FBLN1: variants seen among roughly 807,000 people sequenced by gnomAD.
FBLN1 encodes fibulin 1, also known as fibulin-1.
A neutral mutation model predicts 89.7 loss-of-function variants in FBLN1; 34 were observed. The ratio of observed to expected loss-of-function variants is 0.38; its 90% confidence interval spans 0.29 to 0.50. The LOEUF is 0.50. FBLN1 is among the 20% of genes least tolerant of loss of function. FBLN1 has a pLI of 0.92. For synonymous variants in FBLN1, 393 were observed against 391.3 expected, an observed-to-expected ratio of 1.00 and a Z score of -0.05; for missense variants, 777 against 988.1, an observed-to-expected ratio of 0.79 and a Z score of 2.86.
At chr22:45,513,649 G>A (rs116047628) in intron 1 of FBLN1, among the ~76,000 whole-genome samples, 8 of 129,336 alleles carry the variant, frequency 6.2e-5, no homozygotes, top group Non-Finnish European at 1.0e-4. Context: ...CCTCTCCCCC[G>A]AAGCCTGTGG....
At position 45,549,428 on chromosome 22, in the gene FBLN1, G is replaced by A. The variant is rs1210301825; in HGVS notation, c.1573+684G>A. ...GATCCTGGGGCTCTGGAAGCCCCCT[G>A]GGTCCCACAGATGTAGCTTCTGGTC... On this transcript the variant is annotated intron_variant, in intron 13 of 16. Transcript: ENST00000327858. The surrounding 1 kb of genome is among the most constrained non-coding windows in gnomAD (Gnocchi z 5.7). Among the ~76,000 whole-genome samples the A allele has an allele frequency of 6.6e-6, 1 of 152,138 alleles. No homozygotes were observed. The highest frequency in any genetic ancestry group is 1.5e-5 in the Non-Finnish European group (1 of 68,026).
intron 10 of FBLN1, 40 bp downstream of exon 10, chr22:45,542,323 A>G: frequency 6.2e-7 from 1 of 1,612,510 alleles, no homozygotes; most frequent in Non-Finnish European, 8.5e-7. Flanking sequence ...GAACCCAGCC[A>G]CGTGGCACCA....
At chr22:45,542,308 CG>C (rs749337875) in intron 10 of FBLN1, 25 bp downstream of exon 10, 2 of 1,613,162 alleles carry the variant, frequency 1.2e-6, no homozygotes, top group Non-Finnish European at 1.7e-6. Context: ...CCGCAGGCCT[CG>C]GGGGAACCCA....
chr22:45,574,743 A>G lies in FBLN1; in HGVS notation c.1840+90A>G. On this transcript the variant is annotated intron_variant, in intron 15 of 16. Transcript: ENST00000327858. This position sits in a 1 kb window ranked among gnomAD's most constrained non-coding sequence, Gnocchi z 4.1. ...TTGGCCTACAGGAGTTGTTCCTTGT[A>G]AGATGTGGCCCAGGCTTTGAAATGC... 9.2e-7 allele frequency: 1 copy of G among 1,085,786 alleles called. No individual in the cohort carries two copies. The highest frequency in any genetic ancestry group is 1.4e-6 in the Non-Finnish European group (1 of 729,834). 67.3% of individuals were successfully genotyped at this position (1,085,786 alleles called of 1,614,324 possible).
chr22:45,543,834 T>C (rs112824541), intron 11 of FBLN1, among the ~76,000 whole-genome samples: 2 of 152,354 alleles, frequency 1.3e-5, no homozygotes, highest in African/African-American at 4.8e-5. Context: ...GCCTTGGTTA[T>C]GCCCGACCTC....
At chr22:45,533,927 C>T (rs1243793773) in intron 7 of FBLN1, 29 bp downstream of exon 7, 1 of 1,613,232 alleles carries the variant, frequency 6.2e-7, no homozygotes, top group Non-Finnish European at 8.5e-7. Context: ...GTCTGCAAAC[C>T]TGGTCTTCCA....
chr22:45,578,251 A>T lies in FBLN1; in HGVS notation c.1972+1143A>T, dbSNP rs2089014606. On this transcript the variant is annotated intron_variant, in intron 16 of 16. Transcript: ENST00000327858. This position sits in a 1 kb window ranked among gnomAD's most constrained non-coding sequence, Gnocchi z 4.6. The stretch of plus-strand genomic sequence containing the variant: ...AAACCCGACGGTTGTTAAAACTGGC[A>T]GCTGGAGAAAGGGAATCGTTATTCC... 1 of 152,266 alleles carries T rather than the reference A, an allele frequency of 6.6e-6. No homozygotes were observed. Among genetic ancestry groups the T allele is most frequent in the Non-Finnish European group, 1.5e-5 (1 of 68,054 alleles). The allele number at this position is 152,266 out of a possible 1,614,324, so 9.4% of individuals were successfully genotyped here.
At chr22:45,507,372 A>G (rs902819589) in intron 1 of FBLN1, among the ~76,000 whole-genome samples, 14 of 152,186 alleles carry the variant, frequency 9.2e-5, no homozygotes, top group Non-Finnish European at 1.6e-4. Context: ...TCTTGATGAC[A>G]CCCACAAACT....
At chr22:45,595,329 A>G (rs1206756335) in intron 16 of FBLN1, among the ~76,000 whole-genome samples, 1 of 152,188 alleles carries the variant, frequency 6.6e-6, no homozygotes, top group African/African-American at 2.4e-5. Context: ...ACATTCCTTG[A>G]GCGCCTGCTG....
At chr22:45,546,515 G>A (rs1300915663) in intron 11 of FBLN1, among the ~76,000 whole-genome samples, 2 of 152,206 alleles carry the variant, frequency 1.3e-5, no homozygotes, top group African/African-American at 4.8e-5. Flanking sequence ...TGCCTTGCCG[G>A]GCTGTGTTCT....
At chr22:45,564,939 T>C in intron 14 of FBLN1, 1 of 1,614,142 alleles carries the variant, frequency 6.2e-7, no homozygotes, top group Non-Finnish European at 8.5e-7. Flanking sequence ...TAAAGAGGAC[T>C]GCAGGGTTCT....
rs1156365953 is a variant in FBLN1 at position 45,530,805 on chromosome 22, CCAGGCTGGAGTG to C, written c.485-457_485-446del. Among the ~76,000 whole-genome samples, 1 of 151,954 alleles carries C rather than the reference CCAGGCTGGAGTG, an allele frequency of 6.6e-6. No homozygotes were observed. On this transcript the variant is annotated intron_variant, in intron 4 of 16. Coordinates refer to ENST00000327858, the MANE Select transcript of FBLN1 (RefSeq NM_006486.3). This position sits in a 1 kb window ranked among gnomAD's most constrained non-coding sequence, Gnocchi z 5.4. ...TGAAACGGAGTCTCGCTCTTGTTGC[CCAGGCTGGAGTG>C]CAATGGTGTGATCTTGACTCACTGC... is the stretch of plus-strand genomic sequence containing the variant.
At chr22:45,565,200 C>T (rs2088892245) in intron 14 of FBLN1, 3 of 1,523,420 alleles carry the variant, frequency 2.0e-6, no homozygotes, top group Non-Finnish European at 8.8e-7. Flanking sequence ...CTCTGAAGGA[C>T]CAGTCTGGTT....
intron 14 of FBLN1, among the ~76,000 whole-genome samples, chr22:45,566,145 C>T (rs1428229639): frequency 6.6e-6 from 1 of 152,178 alleles, no homozygotes; most frequent in Non-Finnish European, 1.5e-5. Context: ...ATCCATTTGT[C>T]AGGGGCGGGA....
In FBLN1 at chr22:45,536,805, T is replaced by C. The variant is rs1409338913; in HGVS notation, c.922+1468T>C. On this transcript the variant is annotated intron_variant, in intron 8 of 16. Coordinates refer to ENST00000327858, the MANE Select transcript of FBLN1 (RefSeq NM_006486.3). The surrounding 1 kb of genome is among the most constrained non-coding windows in gnomAD (Gnocchi z 5.1). ...AAAGAAATTGCTGATATCAGAGAAATACTAATATGAAAAGAGAGAATCCCA... is the reference window on the plus strand; with the variant it reads ...AAAGAAATTGCTGATATCAGAGAAACACTAATATGAAAAGAGAGAATCCCA... Among the ~76,000 whole-genome samples, 2 of 151,800 alleles carry C rather than the reference T, an allele frequency of 1.3e-5. No individual in the cohort carries two copies. Among genetic ancestry groups the C allele is most frequent in the East Asian group, 3.9e-4 (2 of 5,170 alleles).
rs2146989332 is a variant in FBLN1, at chr22:45,547,176, C to T, written c.1413C>T (p.Leu471=). ...YQCYCRRGYQ[L]SDVDGVTCED... ...GTTACTGCCGGCGAGGCTACCAGCT[C>T]AGCGATGTGGATGGAGTCACCTGTG... Residue 471 remains leucine, a synonymous_variant, in exon 12 of 17, where the codon CTC becomes CTT. Transcript: ENST00000327858. 1 of 1,614,072 alleles carries T rather than the reference C, an allele frequency of 6.2e-7. No homozygotes were observed.
chr22:45,534,240 T>A (rs1341522523), intron 7 of FBLN1, among the ~76,000 whole-genome samples: 1 of 135,314 alleles, frequency 7.4e-6, no homozygotes, highest in African/African-American at 2.8e-5. Context: ...AGTGCATGAC[T>A]ATTTAAAATC....
intron 14 of FBLN1, among the ~76,000 whole-genome samples, chr22:45,555,276 TATATATATATATATAA>T (rs1278794631): frequency 3.4e-4 from 50 of 146,280 alleles, no homozygotes; most frequent in Admixed American, 7.5e-4. Context: ...AAATGGAATA[TATATATATATATATAA>T]AATGGAATAT....
chr22:45,547,831 A>G (rs2088652158), intron 12 of FBLN1, among the ~76,000 whole-genome samples: 1 of 151,960 alleles, frequency 6.6e-6, no homozygotes, highest in African/African-American at 2.4e-5. Context: ...CTTGGGCCGC[A>G]TATCTCAGGT....
Sources: gnomAD v4.1 joint callset for allele counts (sites outside exome capture counted in the v4.1 genomes callset) on GRCh38, gnomAD v4.1.1 for gene constraint, Gnocchi (gnomAD v3.1) non-coding constraint, MANE v1.5 for transcripts, NCBI Gene and HGNC (gene_info 2026-07-23, HGNC 2026-07-21) for gene names.